The following CAND1 variants were observed in gnomAD, a reference collection of about 807,000 sequenced individuals.
CAND1 encodes the protein cullin-associated NEDD8-dissociated protein 1.
CAND1 carries 7 observed loss-of-function variants against 108.5 expected under a neutral mutation model. That is an observed-to-expected ratio of 0.06 (90% CI 0.04 to 0.12). The LOEUF (loss-of-function observed/expected upper bound fraction) is 0.12, where lower values mean the gene tolerates loss of function less well. CAND1 is among the 10% of genes least tolerant of loss of function. The probability of loss-of-function intolerance (pLI) is 1.00; values close to 1 mark genes in which losing one functional copy is unlikely to be tolerated. For synonymous variants in CAND1, 534 were observed against 512.0 expected (o/e 1.04, Z -0.58); for missense variants, 941 against 1,448.7 (o/e 0.65, Z 5.69).
At chr12:67,289,391 A>G (rs915719658) in intron 2 of CAND1, among the ~76,000 whole-genome samples, 1 of 151,752 alleles carries the variant, frequency 6.6e-6, no homozygotes. Flanking sequence ...AATTAATAAT[A>G]ACATTCTCTT....
intron 13 of CAND1, chr12:67,310,977 A>G (rs2044943184): frequency 6.6e-6 from 1 of 151,982 alleles, no homozygotes; most frequent in Non-Finnish European, 1.5e-5. Flanking sequence ...GTGAACAGTA[A>G]AAGGGTGATT....
intron 1 of CAND1, among the ~76,000 whole-genome samples, chr12:67,277,016 A>C (rs909497774): frequency 2.6e-5 from 4 of 152,238 alleles, no homozygotes; most frequent in Non-Finnish European, 5.9e-5. Flanking sequence ...ATCTGATGTG[A>C]CAATGGCTGC....
chr12:67,286,851 T>G (rs976791827), intron 2 of CAND1, among the ~76,000 whole-genome samples: 17 of 152,182 alleles, frequency 1.1e-4, no homozygotes, highest in Non-Finnish European at 1.5e-5. Context: ...AGGAATTAAC[T>G]TTTTCTTTTT....
At chr12:67,281,079 TA>T (rs1200127124) in intron 1 of CAND1, among the ~76,000 whole-genome samples, 1 of 151,432 alleles carries the variant, frequency 6.6e-6, no homozygotes, top group African/African-American at 2.4e-5. Flanking sequence ...TAAAATACAA[TA>T]ATACTAAATT....
intron 1 of CAND1, among the ~76,000 whole-genome samples, chr12:67,272,902 C>T (rs992218926): frequency 2.0e-5 from 3 of 151,974 alleles, no homozygotes; most frequent in African/African-American, 2.4e-5. Context: ...TCACCATGTT[C>T]GCCAGCATGG....
chr12:67,295,419 C>T lies in CAND1; in HGVS notation c.491+263C>T, dbSNP rs549236944. Among the ~76,000 whole-genome samples, 37 of 151,864 alleles carry T rather than the reference C, an allele frequency of 2.4e-4. No homozygotes were observed. In the South Asian group the frequency reaches 7.7e-3, roughly 32 times the overall value. ...TTGTGATTTTAAATTTTTTTTAGCA[C>T]GGTTCATGTTTTGTTTTACTCATAT... is the stretch of plus-strand genomic sequence containing the variant. On this transcript the variant is annotated intron_variant, in intron 4 of 14. Transcript: ENST00000545606.
chr12:67,307,453 C>T lies in CAND1; in HGVS notation c.2986C>T (p.His996Tyr). Residue 996 changes from histidine (H) to tyrosine (Y), a missense_variant, in exon 11 of 15, where the codon CAT becomes TAT. By Grantham distance (83) the His-to-Tyr change is moderately conservative. Transcript: ENST00000545606. Reference sequence around the variant, plus strand: ...GGCTGTGAAATTTACAATTTCTGACCATCCACAACCTATTGATCCACTGTT... The same window carrying T: ...GGCTGTGAAATTTACAATTTCTGACTATCCACAACCTATTGATCCACTGTT... Reference protein sequence around the residue: ...VTAVKFTISDHPQPIDPLLKN... With the variant: ...VTAVKFTISDYPQPIDPLLKN... 1 of 1,610,674 alleles carries T rather than the reference C, an allele frequency of 6.2e-7. No individual in the cohort carries two copies. Among genetic ancestry groups the T allele is most frequent in the South Asian group, 1.1e-5 (1 of 90,546 alleles).
At chr12:67,296,326 C>G (rs1592615970) in intron 4 of CAND1, among the ~76,000 whole-genome samples, 1 of 151,824 alleles carries the variant, frequency 6.6e-6, no homozygotes, top group East Asian at 1.9e-4. Flanking sequence ...TAGAGGAAAG[C>G]CAATAAGGGA....
At chr12:67,289,779 A>C (rs1420307825) in intron 2 of CAND1, among the ~76,000 whole-genome samples, 2 of 152,038 alleles carry the variant, frequency 1.3e-5, no homozygotes, top group African/African-American at 4.8e-5. Context: ...GCCATGTTTC[A>C]GTTATCACTG....
chr12:67,287,857 A>ATTTTTTTTTTTTTTTTT (rs34177330), intron 2 of CAND1, among the ~76,000 whole-genome samples: 1 of 112,566 alleles, frequency 8.9e-6, no homozygotes, highest in African/African-American at 3.3e-5. Flanking sequence ...TTTTGATGTG[A>ATTTTTTTTTTTTTTTTT]TTTTTTTTTT....
At chr12:67,270,541 G>C (rs1439931717) in intron 1 of CAND1, 1 of 152,092 alleles carries the variant, frequency 6.6e-6, no homozygotes, top group African/African-American at 2.4e-5. Context: ...CATAGCAGAC[G>C]GATCTTCAAA....
At chr12:67,271,992 A>G (rs1332153878) in intron 1 of CAND1, among the ~76,000 whole-genome samples, 1 of 152,214 alleles carries the variant, frequency 6.6e-6, no homozygotes, top group Non-Finnish European at 1.5e-5. Flanking sequence ...TATTTTTAGT[A>G]TAGGCATTTA....
chr12:67,296,652 C>G lies in CAND1; in HGVS notation c.492-755C>G, dbSNP rs141231540. On this transcript the variant is annotated intron_variant, in intron 4 of 14. Transcript: ENST00000545606. ...GTTTTACCATGTTGGCCAGGGTGGTCTCGAACGCCTAACCTCAAGTTATCC... is the reference window on the plus strand; with the variant it reads ...GTTTTACCATGTTGGCCAGGGTGGTGTCGAACGCCTAACCTCAAGTTATCC... Among the ~76,000 whole-genome samples, 1,086 of 152,160 alleles carry G rather than the reference C, an allele frequency of 7.1e-3. 17 individuals carry two copies. The highest frequency in any genetic ancestry group is 0.025 in the African/African-American group (1,032 of 41,502).
At chr12:67,298,195 G>A (rs750678165) in intron 6 of CAND1, among the ~76,000 whole-genome samples, 11 of 152,108 alleles carry the variant, frequency 7.2e-5, no homozygotes, top group South Asian at 2.1e-4. Flanking sequence ...GTAGTGAATT[G>A]CCTTTTCAAC....
rs748495649 is a variant in CAND1 at position 67,305,464 on chromosome 12, A to T, written c.1796A>T (p.Asn599Ile). The change falls in exon 10 of 15, where the codon AAC becomes ATC. Residue 599 changes from asparagine (N) to isoleucine (I), a missense_variant. By Grantham distance (149) the Asn-to-Ile change is moderately radical (BLOSUM62 -3). Around this residue, in one of 9 missense-constraint regions of CAND1, gnomAD observed 697 missense variants for 942.0 expected, o/e 0.74. Transcript: ENST00000545606. The surrounding 1 kb of genome is among the most constrained non-coding windows in gnomAD (Gnocchi z 4.4). ...TCCTGTATGGGACAAATTATTTGCA[A>T]CCTTGGAGACAATTTGGGTTCTGAC... is the stretch of plus-strand genomic sequence containing the variant. ...AISCMGQIIC[N>I]LGDNLGSDLP... 7.4e-6 allele frequency: 12 copies of T among 1,613,528 alleles called. No homozygotes were observed. The African/African-American group carries it at 9.3e-5, about 13-fold the overall frequency.
At chr12:67,290,690 T>A (rs554810036) in intron 2 of CAND1, among the ~76,000 whole-genome samples, 2 of 152,274 alleles carry the variant, frequency 1.3e-5, no homozygotes, top group East Asian at 3.9e-4. Flanking sequence ...ATGGTTAAGT[T>A]TTTGAAGATA....
chr12:67,303,337 A>G (rs1176266129), intron 8 of CAND1, among the ~76,000 whole-genome samples: 1 of 152,224 alleles, frequency 6.6e-6, no homozygotes, highest in African/African-American at 2.4e-5. Context: ...CGGGACACAC[A>G]TACTGTATCT....
At chr12:67,303,079 A>G (rs889007143) in intron 8 of CAND1, among the ~76,000 whole-genome samples, 1 of 152,232 alleles carries the variant, frequency 6.6e-6, no homozygotes, top group African/African-American at 2.4e-5. Flanking sequence ...TGCCTACTAC[A>G]TATATGCTTG....
rs1565709856 is a variant in CAND1, at chr12:67,269,368, A to AGGGAGCGAGTGCGGAGCGAGT, written c.-340_-320dup. ...GAGGCGGGCTTTGGCCTTTTGCCCT[A>AGGGAGCGAGTGCGGAGCGAGT]GGGAGCGAGTGCGGAGCGAGTGGGA... is the stretch of plus-strand genomic sequence containing the variant. On this transcript the variant is annotated 5_prime_UTR_variant, in exon 1 of 15. Transcript: ENST00000545606. 1.0e-5 allele frequency: 3 copies of AGGGAGCGAGTGCGGAGCGAGT among 287,884 alleles called. No homozygotes were observed. Among genetic ancestry groups the AGGGAGCGAGTGCGGAGCGAGT allele is most frequent in the African/African-American group, 6.8e-5 (3 of 43,862 alleles). 17.8% of individuals were successfully genotyped at this position (287,884 alleles called of 1,614,324 possible). A position where few individuals can be genotyped will look rare whatever the true frequency, so the allele number is the denominator to read the frequency against.
Sources: gnomAD v4.1 joint callset for allele counts (sites outside exome capture counted in the v4.1 genomes callset) on GRCh38, gnomAD v4.1.1 for gene constraint, gnomAD v4.1.1 regional missense constraint, Gnocchi (gnomAD v3.1) non-coding constraint, MANE v1.5 for transcripts, NCBI Gene and HGNC (gene_info 2026-07-23, HGNC 2026-07-21) for gene names.